Variants in KANK1 observed in about 807,000 individuals in gnomAD.
KANK1 encodes KN motif and ankyrin repeat domains 1, also known as KN motif and ankyrin repeat domain-containing protein 1.
KANK1 carries 109 observed loss-of-function variants against 106.2 expected under a neutral mutation model. The observed-to-expected ratio is 1.03, with a 90% CI of 0.88 to 1.20. KANK1 has a LOEUF of 1.20. Among genes scored for constraint, KANK1 ranks in the 50% most tolerant of loss-of-function variants. The probability of loss-of-function intolerance (pLI) is 0.00; values close to 1 mark genes in which losing one functional copy is unlikely to be tolerated. For missense variants in KANK1, 2,399 were observed against 1,710.7 expected (o/e 1.40, Z -7.10); for synonymous variants, 873 against 652.2 (o/e 1.34, Z -5.16).
chr9:487,963 A>G (rs1171216353), intron 3 of KANK1, among the ~76,000 whole-genome samples: 3 of 152,158 alleles, frequency 2.0e-5, no homozygotes, highest in Non-Finnish European at 4.4e-5. Context: ...AGGAAAGCCT[A>G]TGTCTGCCTT....
chr9:622,340 A>T (rs530636688), intron 1 of KANK1, among the ~76,000 whole-genome samples: 1 of 152,274 alleles, frequency 6.6e-6, no homozygotes, highest in South Asian at 2.1e-4. Flanking sequence ...CTGCTACAGG[A>T]TAAATAAGTC....
At chr9:652,515 CTG>C (rs1163171834) in intron 1 of KANK1, among the ~76,000 whole-genome samples, 1 of 152,054 alleles carries the variant, frequency 6.6e-6, no homozygotes, top group Non-Finnish European at 1.5e-5. Flanking sequence ...AAGAGCGAAA[CTG>C]TGTCTCAAAA....
Position 711,952 on chromosome 9 carries a change from G to A in KANK1, c.1186G>A (p.Gly396Arg). 1 of 1,614,196 alleles carries A rather than the reference G, an allele frequency of 6.2e-7. No homozygotes were observed. The highest frequency in any genetic ancestry group is 8.5e-7 in the Non-Finnish European group (1 of 1,180,040). Residue 396 changes from glycine to arginine, a missense_variant, in exon 3 of 12, where the codon GGA (glycine) becomes AGA (arginine). Gly to Arg is a moderately radical substitution (Grantham distance 125). Transcript: ENST00000382297. The stretch of plus-strand genomic sequence containing the variant: ...GGCCTCCTCAGAGCTCAGGGAGAAT[G>A]GAGAGTGCCGGTCTGTGGCTGTGGG... ...CEASSELRENGECRSVAVGAE... is the reference protein window; with the variant it reads ...CEASSELRENRECRSVAVGAE...
At chr9:611,727 CTT>C (rs1011940686) in intron 1 of KANK1, among the ~76,000 whole-genome samples, 1 of 151,888 alleles carries the variant, frequency 6.6e-6, no homozygotes, top group East Asian at 1.9e-4. Flanking sequence ...CCATCTAACT[CTT>C]TTTTTTGGAG....
intron 1 of KANK1, among the ~76,000 whole-genome samples, chr9:658,983 AC>A (rs1170767677): frequency 6.6e-6 from 1 of 152,094 alleles, no homozygotes; most frequent in African/African-American, 2.4e-5. Flanking sequence ...AAGGAAGGGT[AC>A]CTCTGTTATT....
At chr9:614,584 G>C (rs1831351143) in intron 1 of KANK1, among the ~76,000 whole-genome samples, 1 of 152,134 alleles carries the variant, frequency 6.6e-6, no homozygotes, top group South Asian at 2.1e-4. Flanking sequence ...ACTGTCTCGT[G>C]TGCGGCAGGG....
At chr9:675,257 T>C (rs79212522) in intron 1 of KANK1, among the ~76,000 whole-genome samples, 8,314 of 152,282 alleles carry the variant, frequency 0.055, 246 homozygotes, top group African/African-American at 0.071. Flanking sequence ...TTTCAATGGC[T>C]GCATTAGAAT....
chr9:583,402 C>T (rs1822659451), intron 1 of KANK1, among the ~76,000 whole-genome samples: 1 of 152,082 alleles, frequency 6.6e-6, no homozygotes, highest in South Asian at 2.1e-4. Context: ...ATGATGATTA[C>T]TTCCACTCAT....
At chr9:659,936 C>G in intron 1 of KANK1, 1 of 170,256 alleles carries the variant, frequency 5.9e-6, no homozygotes, top group Non-Finnish European at 1.3e-5. Flanking sequence ...TCCCCCTTCT[C>G]CCGCCACCGC....
intron 1 of KANK1, among the ~76,000 whole-genome samples, chr9:544,073 T>G (rs945926996): frequency 6.6e-6 from 1 of 152,130 alleles, no homozygotes; most frequent in Admixed American, 6.6e-5. Context: ...CAGGCTGGAG[T>G]GCAGTGGCAT....
At chr9:533,299 G>C (rs2060148138) in intron 1 of KANK1, among the ~76,000 whole-genome samples, 2 of 152,200 alleles carry the variant, frequency 1.3e-5, no homozygotes, top group Admixed American at 6.5e-5. Flanking sequence ...AAGAGCATTA[G>C]TGTGGGTACA....
chr9:492,887 G>C lies in KANK1; in HGVS notation c.-362+19614G>C, dbSNP rs151082239. 2.7e-3 allele frequency among the ~76,000 whole-genome samples: 403 copies of C among 152,006 alleles called. 3 individuals are homozygous for C. The highest frequency in any genetic ancestry group is 9.6e-3 in the African/African-American group (400 of 41,474). ...TAAAAATACAAAATTAGCCGGGCGT[G>C]GTGACCCTTACCTGTAATCCCAGCT... On this transcript the variant is annotated intron_variant, in intron 3 of 15. Coordinates refer to the KANK1 transcript ENST00000382303.
chr9:531,600 A>T (rs2060058316), intron 1 of KANK1, among the ~76,000 whole-genome samples: 1 of 152,230 alleles, frequency 6.6e-6, no homozygotes, highest in Non-Finnish European at 1.5e-5. Flanking sequence ...CTGTCATTTG[A>T]GATGCAACTC....
chr9:628,950 G>C (rs1313289198), intron 1 of KANK1, among the ~76,000 whole-genome samples: 1 of 134,968 alleles, frequency 7.4e-6, no homozygotes, highest in African/African-American at 3.4e-5. Context: ...CATGGTGATG[G>C]GCGCCTGTAA....
intron 1 of KANK1, among the ~76,000 whole-genome samples, chr9:527,673 G>C (rs955482585): frequency 1.3e-5 from 2 of 151,128 alleles, no homozygotes; most frequent in African/African-American, 2.5e-5. Context: ...GTCTCCTTGA[G>C]ATTTGGCATA....
chr9:667,289 C>T (rs1252699643), intron 1 of KANK1, among the ~76,000 whole-genome samples: 8 of 151,538 alleles, frequency 5.3e-5, no homozygotes, highest in African/African-American at 1.9e-4. Context: ...TTTTTTGTTT[C>T]TGATTTTATT....
intron 1 of KANK1, among the ~76,000 whole-genome samples, chr9:609,919 T>C (rs1402014100): frequency 6.6e-6 from 1 of 152,170 alleles, no homozygotes; most frequent in Admixed American, 6.5e-5. Flanking sequence ...GTTTTTATCT[T>C]TCTTATACAT....
At chr9:482,736 C>A (rs2058227335) in intron 3 of KANK1, among the ~76,000 whole-genome samples, 1 of 152,218 alleles carries the variant, frequency 6.6e-6, no homozygotes, top group Non-Finnish European at 1.5e-5. Context: ...TAAGCAGCTG[C>A]CATCTGCCAA....
At chr9:523,686 G>T (rs1353063046) in intron 1 of KANK1, among the ~76,000 whole-genome samples, 1 of 151,568 alleles carries the variant, frequency 6.6e-6, no homozygotes, top group Admixed American at 6.6e-5. Flanking sequence ...CTCCTTCCTG[G>T]GGCTGGAGTG....
Sources: gnomAD v4.1 joint callset for allele counts (sites outside exome capture counted in the v4.1 genomes callset) on GRCh38, gnomAD v4.1.1 for gene constraint, MANE v1.5 for transcripts, NCBI Gene and HGNC (gene_info 2026-07-23, HGNC 2026-07-21) for gene names.